The following SPTLC3 variants were observed in gnomAD, a reference collection of about 807,000 sequenced individuals.
SPTLC3 encodes the protein serine palmitoyltransferase long chain base subunit 3.
Under a neutral mutation model 59.3 loss-of-function variants are expected in SPTLC3, and 36 were observed. That is an observed-to-expected ratio of 0.61 (90% CI 0.47 to 0.80). The LOEUF is 0.80. SPTLC3 is among the 30% of genes least tolerant of loss of function. SPTLC3 has a pLI of 0.00. For missense variants in SPTLC3, 625 were observed against 685.1 expected, an observed-to-expected ratio of 0.91 and a Z score of 0.98; for synonymous variants, 257 against 240.8, an observed-to-expected ratio of 1.07 and a Z score of -0.62.
chr20:13,148,820 G>T (rs1298193979), intron 9 of SPTLC3, among the ~76,000 whole-genome samples: 1 of 152,200 alleles, frequency 6.6e-6, no homozygotes, highest in South Asian at 2.1e-4. Flanking sequence ...AAGCTCTCCA[G>T]ATGACTGTGA....
chr20:13,117,548 A>G lies in SPTLC3; in HGVS notation c.975A>G (p.Leu325=). The stretch of plus-strand genomic sequence containing the variant: ...TGCATCTGCCCCAGATCATAGCTCT[A>G]AAGAAGAAATACAAGGCTTACCTCT... ...SIVHLPQIIA[L]KKKYKAYLYI... The change falls in exon 8 of 12, where the codon CTA becomes CTG. Residue 325 remains leucine (L), a synonymous_variant. Coordinates refer to ENST00000399002, the MANE Select transcript of SPTLC3 (RefSeq NM_018327.4). The G allele has an allele frequency of 6.2e-7, 1 of 1,611,306 alleles. No homozygotes were observed.
chr20:13,128,016 G>A (rs1356851859), intron 9 of SPTLC3, among the ~76,000 whole-genome samples: 5 of 152,338 alleles, frequency 3.3e-5, no homozygotes, highest in African/African-American at 1.2e-4. Context: ...TCAACCCTGA[G>A]CAAGTTACTC....
At chr20:13,058,911 C>T (rs1305628061) in intron 2 of SPTLC3, among the ~76,000 whole-genome samples, 2 of 152,130 alleles carry the variant, frequency 1.3e-5, no homozygotes, top group African/African-American at 4.8e-5. Context: ...GACCTTATTT[C>T]GAAGACCCAG....
chr20:13,124,958 C>T (rs1054163682), intron 8 of SPTLC3, among the ~76,000 whole-genome samples: 1 of 152,288 alleles, frequency 6.6e-6, no homozygotes, highest in East Asian at 1.9e-4. Context: ...AGACACCTGC[C>T]TAAGTGGGAT....
At chr20:13,027,703 T>C (rs1986227131) in intron 1 of SPTLC3, among the ~76,000 whole-genome samples, 1 of 151,426 alleles carries the variant, frequency 6.6e-6, no homozygotes, top group Admixed American at 6.6e-5. Context: ...ATTTAGTTAT[T>C]AAACTGCCCA....
intron 1 of SPTLC3, among the ~76,000 whole-genome samples, chr20:13,043,453 T>G (rs1987081718): frequency 6.6e-6 from 1 of 152,186 alleles, no homozygotes; most frequent in African/African-American, 2.4e-5. Flanking sequence ...GAATGGATGG[T>G]GAATTGGCAG....
At chr20:13,082,459 A>G (rs897186232) in intron 4 of SPTLC3, among the ~76,000 whole-genome samples, 2 of 141,690 alleles carry the variant, frequency 1.4e-5, no homozygotes, top group Admixed American at 7.2e-5. Context: ...TTGGAATAAT[A>G]AAAATAAGAA....
intron 7 of SPTLC3, among the ~76,000 whole-genome samples, chr20:13,114,540 A>G (rs2180365): frequency 0.44 from 67,197 of 152,016 alleles, 14,959 homozygotes; most frequent in African/African-American, 0.48. Context: ...ATATGCACAT[A>G]TGCTGTAGCC....
chr20:13,088,749 G>C (rs1396801568), intron 4 of SPTLC3, among the ~76,000 whole-genome samples: 2 of 150,214 alleles, frequency 1.3e-5, no homozygotes, highest in Non-Finnish European at 3.0e-5. Context: ...CTCCCAAGTA[G>C]ATGGGATTAT....
intron 1 of SPTLC3, among the ~76,000 whole-genome samples, chr20:13,024,759 C>T (rs1421286938): frequency 6.6e-6 from 1 of 152,114 alleles, no homozygotes; most frequent in Non-Finnish European, 1.5e-5. Context: ...AAGAGCTCAC[C>T]AGAAGGCTGT....
chr20:13,147,362 G>A (rs2038538502), intron 9 of SPTLC3, among the ~76,000 whole-genome samples: 2 of 152,154 alleles, frequency 1.3e-5, no homozygotes, highest in Non-Finnish European at 2.9e-5. Context: ...GATTCTTGCT[G>A]CTCTGTAGCC....
At chr20:13,061,359 T>C (rs1001860331) in intron 2 of SPTLC3, among the ~76,000 whole-genome samples, 5 of 152,112 alleles carry the variant, frequency 3.3e-5, no homozygotes, top group Admixed American at 3.3e-4. Flanking sequence ...TCCTATTTCA[T>C]TGAGAAAATA....
Position 13,009,080 on chromosome 20 carries a change from T to A in SPTLC3, c.-188T>A. The A allele has an allele frequency of 1.7e-6, 1 of 592,514 alleles. No homozygotes were observed. The highest frequency in any genetic ancestry group is 3.0e-6 in the Non-Finnish European group (1 of 332,522). 36.7% of individuals were successfully genotyped at this position (592,514 alleles called of 1,614,324 possible). A position where few individuals can be genotyped will look rare whatever the true frequency, so the allele number is the denominator to read the frequency against. ...GAGTTGAGAAGTATAAAGGTAACCA[T>A]TTGTTTTAGTTTCAACGATCTGACA... On this transcript the variant is annotated 5_prime_UTR_variant, in exon 1 of 12. Transcript: ENST00000399002.
At chr20:13,136,318 C>G (rs939822789) in intron 9 of SPTLC3, among the ~76,000 whole-genome samples, 19 of 151,864 alleles carry the variant, frequency 1.3e-4, no homozygotes, top group Admixed American at 3.3e-4. Context: ...GGAATTTGGC[C>G]AGGTGTGGTG....
At chr20:13,152,269 A>G (rs2038666107) in intron 9 of SPTLC3, among the ~76,000 whole-genome samples, 1 of 152,242 alleles carries the variant, frequency 6.6e-6, no homozygotes, top group Non-Finnish European at 1.5e-5. Context: ...ATAAATGTCA[A>G]GAGCTTATAA....
At chr20:13,105,606 C>G (rs1373506320) in intron 6 of SPTLC3, among the ~76,000 whole-genome samples, 1 of 152,088 alleles carries the variant, frequency 6.6e-6, no homozygotes, top group Non-Finnish European at 1.5e-5. Flanking sequence ...AACACAGTGG[C>G]CTCTGAATTT....
intron 2 of SPTLC3, among the ~76,000 whole-genome samples, chr20:13,060,313 A>G (rs1358196853): frequency 6.6e-6 from 1 of 152,184 alleles, no homozygotes; most frequent in African/African-American, 2.4e-5. Flanking sequence ...ATTATAGTTT[A>G]CAGAAGCATA....
intron 2 of SPTLC3, among the ~76,000 whole-genome samples, chr20:13,059,475 G>T (rs1684650239): frequency 6.6e-6 from 1 of 152,172 alleles, no homozygotes; most frequent in South Asian, 2.1e-4. Context: ...GCATTCAGGT[G>T]CAGGCAGCGC....
chr20:13,076,186 C>T (rs1600255684), intron 4 of SPTLC3, among the ~76,000 whole-genome samples: 1 of 152,262 alleles, frequency 6.6e-6, no homozygotes, highest in East Asian at 1.9e-4. Flanking sequence ...ATGACTGAAA[C>T]ATGAATATAA....
Sources: gnomAD v4.1 joint callset for allele counts (sites outside exome capture counted in the v4.1 genomes callset) on GRCh38, gnomAD v4.1.1 for gene constraint, MANE v1.5 for transcripts, NCBI Gene and HGNC (gene_info 2026-07-23, HGNC 2026-07-21) for gene names.